The following CCDC178 variants were observed in gnomAD, a reference collection of about 807,000 sequenced individuals.
CCDC178 encodes coiled-coil domain-containing protein 178.
In CCDC178, 126 loss-of-function variants were observed where a neutral mutation model predicts 117.4. That is an observed-to-expected ratio of 1.07 (90% CI 0.93 to 1.24). The LOEUF is 1.24. CCDC178 is among the 50% of genes most tolerant of loss of function. CCDC178 has a pLI of 0.00. For missense variants in CCDC178, 1,030 were observed against 986.9 expected (o/e 1.04, Z -0.59); for synonymous variants, 283 against 313.4 (o/e 0.90, Z 1.02).
intron 21 of CCDC178, among the ~76,000 whole-genome samples, chr18:33,009,736 C>T (rs947866564): frequency 6.6e-6 from 1 of 152,062 alleles, no homozygotes; most frequent in Non-Finnish European, 1.5e-5. Context: ...TATTTACTAT[C>T]GTAATGCAAA....
Position 33,287,849 on chromosome 18 carries a change from G to T in CCDC178, c.1176+5310C>A, listed in dbSNP as rs141835023. On this transcript the variant is annotated intron_variant, in intron 12 of 22. Transcript: ENST00000383096. ...AAACATCAAATTGAGGAGGGCCAGC[G>T]TATTCATTTTAGAGATGATCAAAGA... Among the ~76,000 whole-genome samples the T allele has an allele frequency of 1.1e-4, 16 of 152,086 alleles. No individual in the cohort carries two copies. In the East Asian group the frequency reaches 2.9e-3, roughly 28 times the overall value.
intron 20 of CCDC178, among the ~76,000 whole-genome samples, chr18:33,155,520 CAG>C (rs772362859): frequency 1.5e-4 from 23 of 151,982 alleles, no homozygotes; most frequent in East Asian, 7.7e-4. Context: ...AAATTAAAAA[CAG>C]AGAGTAATCA....
At chr18:33,139,807 G>T (rs551719040) in intron 20 of CCDC178, among the ~76,000 whole-genome samples, 4 of 152,278 alleles carry the variant, frequency 2.6e-5, no homozygotes, top group Middle Eastern at 3.4e-3. Context: ...AGAAATTTGC[G>T]TAAGTAACGA....
intron 20 of CCDC178, among the ~76,000 whole-genome samples, chr18:33,109,236 T>C (rs1468988229): frequency 6.6e-6 from 1 of 151,722 alleles, no homozygotes; most frequent in Non-Finnish European, 1.5e-5. Flanking sequence ...ATATACAGAT[T>C]GCTGGGTTTC....
In CCDC178 at chr18:33,223,149, C is replaced by A; in HGVS notation, c.1889G>T (p.Arg630Leu). ...RKVGKVKKKLRKKGKKTLDAL... is the reference protein window; with the variant it reads ...RKVGKVKKKLLKKGKKTLDAL... ...ATCAAGGGTTTTCTTCCCCTTTTTT[C>A]GTAATTTTTTCTTTACTTTTCCCAC... is the stretch of plus-strand genomic sequence containing the variant. The change falls in exon 18 of 23, where the codon CGA becomes CTA. Residue 630 changes from arginine to leucine, a missense_variant. Transcript: ENST00000383096. The A allele has an allele frequency of 1.2e-6, 2 of 1,604,838 alleles. No individual in the cohort carries two copies. Among genetic ancestry groups the A allele is most frequent in the Non-Finnish European group, 1.7e-6 (2 of 1,174,760 alleles).
At chr18:33,083,016 G>C (rs997738834) in intron 21 of CCDC178, among the ~76,000 whole-genome samples, 2 of 152,116 alleles carry the variant, frequency 1.3e-5, no homozygotes, top group African/African-American at 4.8e-5. Context: ...AATCTGTGAA[G>C]TATGCTATGT....
chr18:33,092,910 TC>T lies in CCDC178; in HGVS notation c.2239-1del, dbSNP rs750642214. 2.0e-6 allele frequency: 3 copies of T among 1,531,970 alleles called. No homozygotes were observed. The African/African-American group carries it at 4.2e-5, about 22-fold the overall frequency. 94.9% of individuals were successfully genotyped at this position (1,531,970 alleles called of 1,614,324 possible). A position where few individuals can be genotyped will look rare whatever the true frequency, so the allele number is the denominator to read the frequency against. On this transcript the variant is annotated splice_acceptor_variant, in intron 20 of 22. Transcript: ENST00000383096. LOFTEE classifies it high-confidence loss of function. Reference sequence around the variant, plus strand: ...TCTTCAAGTGAATCAGCTATTATTTTCTAGAAGGTAAAAAAATATAATTGAA... The same window carrying T: ...TCTTCAAGTGAATCAGCTATTATTTTTAGAAGGTAAAAAAATATAATTGAA...
At chr18:33,433,838 T>C (rs2064253083) in intron 2 of CCDC178, among the ~76,000 whole-genome samples, 1 of 151,824 alleles carries the variant, frequency 6.6e-6, no homozygotes, top group Admixed American at 6.6e-5. Flanking sequence ...ATACGTTTCA[T>C]AAAGAAAATA....
At chr18:33,293,417 T>C in intron 11 of CCDC178, 105 bp from the exon 12 acceptor site, 1 of 608,044 alleles carries the variant, frequency 1.6e-6, no homozygotes, top group Non-Finnish European at 2.6e-6. Flanking sequence ...TCTCAGCACT[T>C]TGGGAGGCCA....
At chr18:33,192,383 C>A (rs1201254349) in intron 20 of CCDC178, among the ~76,000 whole-genome samples, 1 of 152,114 alleles carries the variant, frequency 6.6e-6, no homozygotes, top group African/African-American at 2.4e-5. Context: ...ATTTTCTCAG[C>A]ACTTAAAGGG....
intron 5 of CCDC178, among the ~76,000 whole-genome samples, chr18:33,374,746 A>C (rs1433052912): frequency 6.6e-6 from 1 of 152,200 alleles, no homozygotes; most frequent in African/African-American, 2.4e-5. Flanking sequence ...TTAAAGGCTA[A>C]ATAAATTGTG....
chr18:33,254,627 T>C (rs1408776339), intron 14 of CCDC178, among the ~76,000 whole-genome samples: 1 of 152,052 alleles, frequency 6.6e-6, no homozygotes, highest in East Asian at 1.9e-4. Flanking sequence ...AAGTTACCAA[T>C]AGGACAAGCT....
In CCDC178 at chr18:33,293,151, A is replaced by G; in HGVS notation, c.1176+8T>C. The G allele has an allele frequency of 6.5e-7, 1 of 1,533,558 alleles. No homozygotes were observed. The highest frequency in any genetic ancestry group is 2.0e-5 in the Admixed American group (1 of 50,336). 95.0% of individuals were successfully genotyped at this position (1,533,558 alleles called of 1,614,324 possible). ...CAGTATTTTTTATTTCTAATATGAA[A>G]AACTCACCATTTTTGATAGAGAATG... is the stretch of plus-strand genomic sequence containing the variant. On this transcript the variant is annotated splice_region_variant and intron_variant, in intron 12 of 22. Coordinates refer to ENST00000383096, the MANE Select transcript of CCDC178 (RefSeq NM_001105528.4).
chr18:32,945,854 A>C (rs754205655), intron 22 of CCDC178, among the ~76,000 whole-genome samples: 57 of 152,290 alleles, frequency 3.7e-4, no homozygotes, highest in Middle Eastern at 6.8e-3. Flanking sequence ...AGAGCAAAAA[A>C]GCTTAGATAT....
chr18:33,143,097 T>C (rs1318863980), intron 20 of CCDC178, among the ~76,000 whole-genome samples: 1 of 152,008 alleles, frequency 6.6e-6, no homozygotes, highest in South Asian at 2.1e-4. Flanking sequence ...GAAAGCAGAA[T>C]TGTTGAAAGA....
chr18:33,307,292 C>T (rs771062118), intron 11 of CCDC178, among the ~76,000 whole-genome samples: 16 of 152,124 alleles, frequency 1.1e-4, no homozygotes, highest in Non-Finnish European at 2.2e-4. Flanking sequence ...GTGATATGGA[C>T]AATGAAGTCC....
At chr18:33,104,681 A>G (rs1253601167) in intron 20 of CCDC178, among the ~76,000 whole-genome samples, 1 of 151,730 alleles carries the variant, frequency 6.6e-6, no homozygotes, top group Non-Finnish European at 1.5e-5. Flanking sequence ...TTTTCCCACA[A>G]AATGAAACAC....
chr18:33,338,582 TAA>T (rs1242604386), intron 9 of CCDC178, among the ~76,000 whole-genome samples: 2 of 152,090 alleles, frequency 1.3e-5, no homozygotes, highest in East Asian at 3.8e-4. Context: ...AGGAATAAAA[TAA>T]TGGCATTCAC....
chr18:33,371,530 A>G (rs1378387716), intron 5 of CCDC178, among the ~76,000 whole-genome samples: 1 of 151,966 alleles, frequency 6.6e-6, no homozygotes. Flanking sequence ...CTCCCTGGTT[A>G]TGGAGTATAA....
Sources: allele counts gnomAD v4.1 joint callset (sites outside exome capture counted in the v4.1 genomes callset), GRCh38; gene constraint gnomAD v4.1.1; transcripts MANE v1.5; gene names NCBI Gene and HGNC (gene_info 2026-07-23, HGNC 2026-07-21).